The following NKAIN3 variants were observed in gnomAD, a reference collection of about 807,000 sequenced individuals.
NKAIN3 encodes the protein sodium/potassium transporting ATPase interacting 3.
In NKAIN3, 25 loss-of-function variants were observed where a neutral mutation model predicts 30.2. The ratio of observed to expected loss-of-function variants is 0.83; its 90% CI spans 0.60 to 1.16. NKAIN3 has a LOEUF of 1.16. Ranked by LOEUF, NKAIN3 falls within the 50% of genes most tolerant of loss-of-function variation. The probability of loss-of-function intolerance (pLI) is 0.00; values close to 1 mark genes in which losing one functional copy is unlikely to be tolerated. For missense variants in NKAIN3, 225 were observed against 254.1 expected (o/e 0.89, Z 0.78); for synonymous variants, 91 against 89.6 (o/e 1.02, Z -0.09).
intron 4 of NKAIN3, among the ~76,000 whole-genome samples, chr8:62,805,983 G>A (rs986077814): frequency 2.6e-5 from 4 of 152,174 alleles, no homozygotes; most frequent in African/African-American, 9.7e-5. Flanking sequence ...CCATCGAAAA[G>A]TGGGTGAAGG....
At chr8:62,778,369 A>G (rs1307975014) in intron 4 of NKAIN3, among the ~76,000 whole-genome samples, 1 of 152,136 alleles carries the variant, frequency 6.6e-6, no homozygotes, top group Non-Finnish European at 1.5e-5. Flanking sequence ...TAAGGAATCT[A>G]CCAGATACTG....
chr8:62,356,755 T>C (rs1483579590), intron 1 of NKAIN3, among the ~76,000 whole-genome samples: 7 of 152,116 alleles, frequency 4.6e-5, no homozygotes, highest in Non-Finnish European at 4.4e-5. Flanking sequence ...TGGTTGACAT[T>C]TGCCTAAACA....
At chr8:62,843,802 A>G (rs577217299) in intron 4 of NKAIN3, among the ~76,000 whole-genome samples, 3 of 152,202 alleles carry the variant, frequency 2.0e-5, no homozygotes, top group South Asian at 4.1e-4. Flanking sequence ...TTTCTCATCT[A>G]TGATAAGAGA....
chr8:62,924,043 C>G lies in NKAIN3; in HGVS notation c.532+5530C>G, dbSNP rs184031296. On this transcript the variant is annotated intron_variant, in intron 5 of 6. Coordinates refer to ENST00000623646, the MANE Select transcript of NKAIN3 (RefSeq NM_001304533.3). Reference sequence around the variant, plus strand: ...AAGTAGAGCCTAAAAGATTGCCTATCTCCTTAAGCCAGGATTCCTGATTAT... The same window carrying G: ...AAGTAGAGCCTAAAAGATTGCCTATGTCCTTAAGCCAGGATTCCTGATTAT... 2.6e-5 allele frequency among the ~76,000 whole-genome samples: 4 copies of G among 152,326 alleles called. No homozygotes were observed. In the East Asian group the frequency reaches 7.7e-4, roughly 29 times the overall value.
intron 1 of NKAIN3, among the ~76,000 whole-genome samples, chr8:62,429,111 G>A (rs927792437): frequency 6.6e-6 from 1 of 151,614 alleles, no homozygotes; most frequent in African/African-American, 2.4e-5. Flanking sequence ...TATGTTCTTG[G>A]TTACTTGGTG....
intron 1 of NKAIN3, among the ~76,000 whole-genome samples, chr8:62,576,335 C>A (rs1177456284): frequency 6.6e-6 from 1 of 152,096 alleles, no homozygotes; most frequent in Admixed American, 6.6e-5. Flanking sequence ...GCTGATTTCA[C>A]CTTCTCTGGA....
At chr8:62,855,678 CA>C in intron 4 of NKAIN3, 1 of 1,603,758 alleles carries the variant, frequency 6.2e-7, no homozygotes, top group South Asian at 1.1e-5. Context: ...CCAGGGTTCT[CA>C]AAGCTGTCAC....
intron 1 of NKAIN3, among the ~76,000 whole-genome samples, chr8:62,439,522 C>A (rs1413346394): frequency 1.3e-5 from 2 of 152,194 alleles, no homozygotes; most frequent in Non-Finnish European, 2.9e-5. Context: ...AGTGTCTCTG[C>A]ACTTAAGCAT....
At chr8:62,302,667 T>A (rs1814089125) in intron 1 of NKAIN3, among the ~76,000 whole-genome samples, 1 of 152,018 alleles carries the variant, frequency 6.6e-6, no homozygotes, top group Non-Finnish European at 1.5e-5. Context: ...ATTCACTGCA[T>A]ATAGATAAAA....
chr8:62,825,696 T>C (rs941305318), intron 4 of NKAIN3, among the ~76,000 whole-genome samples: 4 of 152,166 alleles, frequency 2.6e-5, no homozygotes, highest in Admixed American at 6.5e-5. Flanking sequence ...TGACCATGTA[T>C]GATATGTGGT....
chr8:62,863,588 A>G, intron 4 of NKAIN3: 1 of 1,161,638 alleles, frequency 8.6e-7, no homozygotes, highest in Middle Eastern at 2.1e-4. Context: ...TATCCCATTC[A>G]TGCCTGAAAT....
chr8:62,331,964 A>G (rs1446008123), intron 1 of NKAIN3, among the ~76,000 whole-genome samples: 1 of 152,156 alleles, frequency 6.6e-6, no homozygotes, highest in Non-Finnish European at 1.5e-5. Flanking sequence ...AGACCTGGGC[A>G]GAAATATGCT....
rs529294716 is a variant in NKAIN3, at chr8:62,508,942, CT to C, written c.55-70593del. Among the ~76,000 whole-genome samples, 516 of 137,316 alleles carry C rather than the reference CT, an allele frequency of 3.8e-3. 1 individual carries two copies. The highest frequency in any genetic ancestry group is 6.6e-3 in the Non-Finnish European group (422 of 63,538). The allele number at this position is 137,316 out of a possible 152,430, so 90.1% of individuals were successfully genotyped here. A position where few individuals can be genotyped will look rare whatever the true frequency, so the allele number is the denominator to read the frequency against. ...ATTCAACAGGTTTCTAAAACAGTGT[CT>C]TTTGGGAATCCAGTGACTTCTCTAC... On this transcript the variant is annotated intron_variant, in intron 1 of 6. Coordinates refer to ENST00000623646, the MANE Select transcript of NKAIN3 (RefSeq NM_001304533.3).
intron 4 of NKAIN3, among the ~76,000 whole-genome samples, chr8:62,861,484 C>G (rs77409353): frequency 0.016 from 2,442 of 152,272 alleles, 75 homozygotes; most frequent in African/African-American, 0.056. Context: ...TCACTGAAAG[C>G]CAAGGCTAGC....
chr8:62,831,681 A>G (rs1029896066), intron 4 of NKAIN3, among the ~76,000 whole-genome samples: 3 of 151,908 alleles, frequency 2.0e-5, no homozygotes, highest in African/African-American at 4.8e-5. Context: ...AAAAATAAAG[A>G]AAAAAAAATT....
intron 1 of NKAIN3, among the ~76,000 whole-genome samples, chr8:62,461,071 C>A (rs1340182820): frequency 1.3e-5 from 2 of 152,186 alleles, no homozygotes; most frequent in Non-Finnish European, 2.9e-5. Flanking sequence ...CACCTTTGGT[C>A]AATCTTGAGG....
downstream of NKAIN3, among the ~76,000 whole-genome samples, chr8:62,986,524 T>G (rs1824202933): frequency 6.6e-6 from 1 of 152,080 alleles, no homozygotes; most frequent in African/African-American, 2.4e-5. Context: ...CCTACCAAAG[T>G]GAATGACATC....
intron 4 of NKAIN3, among the ~76,000 whole-genome samples, chr8:62,841,751 C>T (rs974739986): frequency 1.3e-4 from 20 of 152,184 alleles, no homozygotes; most frequent in African/African-American, 4.3e-4. Context: ...TTGACTACTG[C>T]GGATAATGCT....
At chr8:62,987,084 T>A (rs1824215611), downstream of NKAIN3, among the ~76,000 whole-genome samples, 1 of 152,216 alleles carries the variant, frequency 6.6e-6, no homozygotes. Flanking sequence ...CTACTAAAAG[T>A]GCACTCAATA....
Sources: gnomAD v4.1 joint callset for allele counts (sites outside exome capture counted in the v4.1 genomes callset) on GRCh38, gnomAD v4.1.1 for gene constraint, MANE v1.5 for transcripts, NCBI Gene and HGNC (gene_info 2026-07-23, HGNC 2026-07-21) for gene names.